The following LRP5 variants were observed in gnomAD, a reference collection of about 807,000 sequenced individuals.
LRP5 encodes LDL receptor related protein 5, also known as low-density lipoprotein receptor-related protein 5.
A neutral mutation model predicts 154.1 loss-of-function variants in LRP5; 62 were observed. The observed-to-expected ratio is 0.40, with a 90% confidence interval of 0.33 to 0.50. The LOEUF (loss-of-function observed/expected upper bound fraction) is 0.50. Ranked by LOEUF, LRP5 falls within the 20% of genes least tolerant of loss-of-function variation. The pLI is 0.55. For missense variants in LRP5, 1,915 were observed against 2,336.7 expected, an observed-to-expected ratio of 0.82 and a Z score of 3.72; for synonymous variants, 966 against 1,011.5, an observed-to-expected ratio of 0.96 and a Z score of 0.85.
At chr11:68,384,097 G>A (rs1591258845) in intron 5 of LRP5, among the ~76,000 whole-genome samples, 1 of 151,920 alleles carries the variant, frequency 6.6e-6, no homozygotes, top group African/African-American at 2.4e-5. Flanking sequence ...GGCCCGTGTC[G>A]CTGTTGCCAT....
chr11:68,322,341 T>A (rs1047213004), intron 1 of LRP5, among the ~76,000 whole-genome samples: 33 of 152,226 alleles, frequency 2.2e-4, no homozygotes, highest in African/African-American at 7.7e-4. Context: ...GACATCAGCT[T>A]TTACTTGGTC....
intron 3 of LRP5, among the ~76,000 whole-genome samples, chr11:68,359,932 G>A (rs1223798138): frequency 1.3e-5 from 2 of 151,900 alleles, no homozygotes; most frequent in Non-Finnish European, 2.9e-5. Context: ...GATTACAGGT[G>A]CCCGCCACCA....
rs75261014 is a variant in LRP5, at chr11:68,422,395, A to G, written c.3028-1094A>G. ...TGGGTGGCAGGAGCCCAGGTGCTCC[A>G]GGCCCCATTTGCCCCAGGCCAAATC... On this transcript the variant is annotated intron_variant, in intron 13 of 22. Transcript: ENST00000294304. Among the ~76,000 whole-genome samples the G allele has an allele frequency of 4.9e-4, 74 of 152,352 alleles. 1 individual carries two copies. The highest frequency in any genetic ancestry group is 1.7e-3 in the African/African-American group (71 of 41,584).
At chr11:68,307,458 A>G in the LRP5 span, among the ~76,000 whole-genome samples, 1 of 152,202 alleles carries the variant, frequency 6.6e-6, no homozygotes, top group Admixed American at 6.5e-5. Flanking sequence ...TAAGCCCTGG[A>G]GTTCAAGACC....
At chr11:68,395,699 C>T (rs927515497) in intron 7 of LRP5, among the ~76,000 whole-genome samples, 3 of 152,082 alleles carry the variant, frequency 2.0e-5, no homozygotes, top group Non-Finnish European at 4.4e-5. Context: ...AGGTGGATGC[C>T]CAGACCCGCC....
intron 2 of LRP5, among the ~76,000 whole-genome samples, chr11:68,354,407 T>G (rs906889667): frequency 3.3e-5 from 5 of 152,154 alleles, no homozygotes; most frequent in Non-Finnish European, 7.4e-5. Context: ...CTCCTGCACG[T>G]TTTCCAGCCT....
At chr11:68,448,740 C>T (rs1302647992) in intron 22 of LRP5, 69 bp from the exon 23 acceptor site, 61 of 1,588,180 alleles carry the variant, frequency 3.8e-5, no homozygotes, top group Middle Eastern at 1.7e-4. Context: ...TTCACAGCCC[C>T]GGGGCTGCTG....
chr11:68,322,955 C>A (rs1284964419), intron 1 of LRP5, among the ~76,000 whole-genome samples: 1 of 152,254 alleles, frequency 6.6e-6, no homozygotes, highest in Non-Finnish European at 1.5e-5. Flanking sequence ...AGGGCCCAGA[C>A]TCCGTGAGAT....
intron 5 of LRP5, among the ~76,000 whole-genome samples, chr11:68,366,233 C>T (rs1243573628): frequency 1.3e-5 from 2 of 152,160 alleles, no homozygotes; most frequent in Admixed American, 6.5e-5. Context: ...CAGTCCTCCC[C>T]GTTTCTGTAG....
chr11:68,390,964 G>T (rs988512182), intron 7 of LRP5, among the ~76,000 whole-genome samples: 3 of 152,180 alleles, frequency 2.0e-5, no homozygotes, highest in African/African-American at 7.2e-5. Flanking sequence ...GTTTGTTTTT[G>T]TTTGATTTTG....
chr11:68,347,342 A>T (rs528879858), intron 1 of LRP5, among the ~76,000 whole-genome samples: 1 of 152,324 alleles, frequency 6.6e-6, no homozygotes, highest in South Asian at 2.1e-4. Context: ...AAAGACTTGT[A>T]AGGGAATCTT....
chr11:68,358,819 C>G (rs1314340646), intron 3 of LRP5, among the ~76,000 whole-genome samples: 1 of 152,244 alleles, frequency 6.6e-6, no homozygotes, highest in Non-Finnish European at 1.5e-5. Context: ...TATTCACTAA[C>G]CAAGTGCTGC....
chr11:68,414,935 T>C (rs918172468), intron 12 of LRP5, among the ~76,000 whole-genome samples: 1 of 152,300 alleles, frequency 6.6e-6, no homozygotes, highest in East Asian at 1.9e-4. Context: ...CCTGGGGCCA[T>C]GACCTTAGAG....
intron 8 of LRP5, 172 bp downstream of exon 8, chr11:68,403,871 A>G: frequency 5.7e-6 from 4 of 707,256 alleles, no homozygotes; most frequent in Middle Eastern, 4.0e-4. Flanking sequence ...GGACCAAGGG[A>G]GCTGATTAGG....
chr11:68,342,745 C>T (rs966615144), intron 1 of LRP5, among the ~76,000 whole-genome samples: 17 of 152,240 alleles, frequency 1.1e-4, no homozygotes, highest in African/African-American at 2.9e-4. Flanking sequence ...TGGCCTCCCC[C>T]GGTGTGGGTT....
At chr11:68,338,960 G>A (rs565139664) in intron 1 of LRP5, among the ~76,000 whole-genome samples, 143 of 122,194 alleles carry the variant, frequency 1.2e-3, no homozygotes, top group African/African-American at 4.0e-3. Context: ...TGCAACCTCC[G>A]CTTCCTGGGT....
intron 1 of LRP5, among the ~76,000 whole-genome samples, chr11:68,315,267 G>A (rs1408283102): frequency 1.3e-5 from 2 of 152,238 alleles, no homozygotes; most frequent in Non-Finnish European, 2.9e-5. Context: ...TGCAGTGAGC[G>A]CAGTTGTGTG....
At chr11:68,444,681 A>G (rs2098680506) in intron 21 of LRP5, among the ~76,000 whole-genome samples, 3 of 151,334 alleles carry the variant, frequency 2.0e-5, no homozygotes, top group African/African-American at 7.3e-5. Context: ...GGATCTTGCC[A>G]GAAGTCTGCC....
Position 68,353,244 on chromosome 11 carries a change from C to T in LRP5, c.489-4406C>T, listed in dbSNP as rs1159033278. On this transcript the variant is annotated intron_variant, in intron 2 of 22. Coordinates refer to ENST00000294304, the MANE Select transcript of LRP5 (RefSeq NM_002335.4). This position sits in a 1 kb window ranked among gnomAD's most constrained non-coding sequence, Gnocchi z 4.5. ...TGGCTGTTCACTCCCACCCCTGCCCCTGGGGCAAAGTTGACCTTAGTGTTG... is the reference window on the plus strand; with the variant it reads ...TGGCTGTTCACTCCCACCCCTGCCCTTGGGGCAAAGTTGACCTTAGTGTTG... Among the ~76,000 whole-genome samples, 1 of 152,204 alleles carries T rather than the reference C, an allele frequency of 6.6e-6. No homozygotes were observed. The highest frequency in any genetic ancestry group is 2.4e-5 in the African/African-American group (1 of 41,454).
Sources: allele counts gnomAD v4.1 joint callset (sites outside exome capture counted in the v4.1 genomes callset), GRCh38; gene constraint gnomAD v4.1.1; non-coding constraint Gnocchi (gnomAD v3.1); transcripts MANE v1.5; gene names NCBI Gene and HGNC (gene_info 2026-07-23, HGNC 2026-07-21).